NOL9: variants seen among roughly 807,000 people sequenced by gnomAD.
NOL9 encodes the protein polynucleotide 5'-hydroxyl-kinase NOL9.
NOL9 carries 28 observed loss-of-function variants against 67.9 expected under a neutral mutation model. The observed-to-expected ratio is 0.41, with a 90% CI of 0.31 to 0.57. The LOEUF is 0.57. Ranked by LOEUF, NOL9 falls within the 20% of genes least tolerant of loss-of-function variation. The pLI is 0.25. For missense variants in NOL9, 777 were observed against 897.0 expected (o/e 0.87, Z 1.71); for synonymous variants, 356 against 352.2 (o/e 1.01, Z -0.12).
At chr1:6,539,299 G>C (rs983035571) in intron 6 of NOL9, among the ~76,000 whole-genome samples, 4 of 152,128 alleles carry the variant, frequency 2.6e-5, no homozygotes, top group African/African-American at 9.7e-5. Context: ...CCACTCCTCG[G>C]TATACACCTG....
intron 1 of NOL9, among the ~76,000 whole-genome samples, chr1:6,552,276 C>T (rs888627587): frequency 6.6e-6 from 1 of 152,112 alleles, no homozygotes; most frequent in African/African-American, 2.4e-5. Flanking sequence ...CGTATGTACC[C>T]TGGAACTTAA....
chr1:6,538,492 T>G (rs1639204800), intron 6 of NOL9, among the ~76,000 whole-genome samples: 2 of 151,686 alleles, frequency 1.3e-5, no homozygotes, highest in South Asian at 4.2e-4. Flanking sequence ...GCCAACATGG[T>G]GAAACCCCAT....
rs1183119033 is a variant in NOL9, at chr1:6,554,252, C to A, written c.251G>T (p.Ser84Ile). 2 of 1,493,802 alleles carry A rather than the reference C, an allele frequency of 1.3e-6. No individual in the cohort carries two copies. The highest frequency in any genetic ancestry group is 2.9e-5 in the East Asian group (1 of 35,048). 92.5% of individuals were successfully genotyped at this position (1,493,802 alleles called of 1,614,324 possible). Residue 84 changes from serine to isoleucine, a missense_variant, in exon 1 of 12, where the codon AGC (serine) becomes ATC (isoleucine). By Grantham distance (142) the Ser-to-Ile change is moderately radical. Transcript: ENST00000377705. ...AARRPNTATP[S>I]PIPSPTPASE... Reference sequence around the variant, plus strand: ...GGCCGGGGTCGGGCTAGGGATCGGGCTGGGGGTCGCGGTGTTGGGTCTCCG... The same window carrying A: ...GGCCGGGGTCGGGCTAGGGATCGGGATGGGGGTCGCGGTGTTGGGTCTCCG...
chr1:6,554,243 G>A lies in NOL9; in HGVS notation c.260C>T (p.Pro87Leu), dbSNP rs373802591. The change falls in exon 1 of 12, where the codon CCT (proline) becomes CTT (leucine). Residue 87 changes from proline to leucine, a missense_variant. Around this residue, in one of 2 missense-constraint regions of NOL9, gnomAD observed 364 missense variants for 344.4 expected, o/e 1.06. Transcript: ENST00000377705. ...GGGTTCGGAGGCCGGGGTCGGGCTA[G>A]GGATCGGGCTGGGGGTCGCGGTGTT... ...RPNTATPSPI[P>L]SPTPASEPES... The A allele has an allele frequency of 1.1e-4, 171 of 1,506,042 alleles. No individual in the cohort carries two copies. The African/African-American group carries it at 2.4e-3, about 21-fold the overall frequency. 93.3% of individuals were successfully genotyped at this position (1,506,042 alleles called of 1,614,324 possible). A position where few individuals can be genotyped will look rare whatever the true frequency, so the allele number is the denominator to read the frequency against.
At chr1:6,544,153 C>T (rs538462479) in intron 5 of NOL9, among the ~76,000 whole-genome samples, 1 of 151,586 alleles carries the variant, frequency 6.6e-6, no homozygotes, top group African/African-American at 2.4e-5. Context: ...TGTGGTGGTG[C>T]GCTAGTGTGG....
intron 4 of NOL9, 41 bp downstream of exon 4, chr1:6,545,004 T>G (rs1250681022): frequency 1.2e-6 from 2 of 1,613,936 alleles, no homozygotes; most frequent in African/African-American, 2.7e-5. Flanking sequence ...TCTGGGGGTC[T>G]GGTGGACAGA....
In NOL9 at chr1:6,554,344, C is replaced by A; in HGVS notation, c.159G>T (p.Leu53=). 1 of 1,460,810 alleles carries A rather than the reference C, an allele frequency of 6.8e-7. No individual in the cohort carries two copies. The highest frequency in any genetic ancestry group is 9.0e-7 in the Non-Finnish European group (1 of 1,113,700). The allele number at this position is 1,460,810 out of a possible 1,614,324, so 90.5% of individuals were successfully genotyped here. A position where few individuals can be genotyped will look rare whatever the true frequency, so the allele number is the denominator to read the frequency against. Residue 53 remains leucine, a synonymous_variant, in exon 1 of 12, where the codon CTG becomes CTT. Transcript: ENST00000377705. ...CGRRRLRWRL[L]QAQASGVDWR... ...AGTCCACGCCGGACGCCTGGGCTTGCAGTAACCGCCACCGTAGGCGCCGCC... is the reference window on the plus strand; with the variant it reads ...AGTCCACGCCGGACGCCTGGGCTTGAAGTAACCGCCACCGTAGGCGCCGCC...
intron 10 of NOL9, among the ~76,000 whole-genome samples, chr1:6,528,549 A>G (rs1276348069): frequency 2.0e-5 from 3 of 152,198 alleles, no homozygotes; most frequent in African/African-American, 7.2e-5. Flanking sequence ...AGCCTGGGGC[A>G]AGGAGGAGAG....
At chr1:6,540,601 A>G (rs975222119) in intron 6 of NOL9, among the ~76,000 whole-genome samples, 1 of 152,118 alleles carries the variant, frequency 6.6e-6, no homozygotes, top group African/African-American at 2.4e-5. Context: ...AGAGGTGAGT[A>G]GATGACCTGA....
Position 6,544,847 on chromosome 1 carries a change from A to C in NOL9, c.956T>G (p.Leu319Arg). 6.2e-7 allele frequency: 1 copy of C among 1,614,204 alleles called. No homozygotes were observed. Among genetic ancestry groups the C allele is most frequent in the South Asian group, 1.1e-5 (1 of 91,082 alleles). Reference sequence around the variant, plus strand: ...TTACCTATTTAACAAATGGTTAATCAGGTATCTATTAAATGTTGACTTTCC... The same window carrying C: ...TTACCTATTTAACAAATGGTTAATCCGGTATCTATTAAATGTTGACTTTCC... ...DVGKSTFNRY[L>R]INHLLNSLPC... is the part of the protein sequence containing the mutation. Residue 319 changes from leucine (L) to arginine (R), a missense_variant, in exon 5 of 12, where the codon CTG (leucine) becomes CGG (arginine). Physicochemically the swap from Leu to Arg is moderately radical, Grantham distance 102 (BLOSUM62 -2). Around this residue, in one of 2 missense-constraint regions of NOL9, gnomAD observed 413 missense variants for 552.6 expected, o/e 0.75. Transcript: ENST00000377705.
intron 7 of NOL9, 63 bp downstream of exon 7, chr1:6,533,217 T>A (rs1639073828): frequency 6.8e-7 from 1 of 1,471,088 alleles, no homozygotes; most frequent in Non-Finnish European, 9.1e-7. Context: ...AACGTGAATG[T>A]CTGAAACCAA....
chr1:6,525,285 G>A lies in NOL9; in HGVS notation c.*569C>T, dbSNP rs1458244504. ...AAGTGCTAGGATTACAGGTGTGCAT[G>A]AGCCACCATGCCCAGCCCTATCTAT... On this transcript the variant is annotated 3_prime_UTR_variant, in exon 12 of 12. Coordinates refer to ENST00000377705, the MANE Select transcript of NOL9 (RefSeq NM_024654.5). 2.6e-5 allele frequency: 4 copies of A among 154,706 alleles called. No individual in the cohort carries two copies. Among genetic ancestry groups the A allele is most frequent in the Non-Finnish European group, 5.7e-5 (4 of 69,736 alleles). 9.6% of individuals were successfully genotyped at this position (154,706 alleles called of 1,614,324 possible). A position where few individuals can be genotyped will look rare whatever the true frequency, so the allele number is the denominator to read the frequency against.
chr1:6,532,777 T>G lies in NOL9; in HGVS notation c.1238-17A>C. 1 of 1,601,376 alleles carries G rather than the reference T, an allele frequency of 6.2e-7. No individual in the cohort carries two copies. The highest frequency in any genetic ancestry group is 1.1e-5 in the South Asian group (1 of 89,842). ...GCCCCTGGTCTGTGGGGAAGAGACA[T>G]TAGCACAGCTGATACACTCAAGAAC... is the stretch of plus-strand genomic sequence containing the variant. On this transcript the variant is annotated splice_polypyrimidine_tract_variant and intron_variant, in intron 7 of 11. Coordinates refer to ENST00000377705, the MANE Select transcript of NOL9 (RefSeq NM_024654.5).
intron 5 of NOL9, among the ~76,000 whole-genome samples, chr1:6,542,163 AT>A (rs5772238): frequency 0.95 from 132,768 of 140,308 alleles, 63,081 homozygotes; most frequent in South Asian, 0.99. Flanking sequence ...GCTCTTTCAG[AT>A]TTTTTTTTTT....
intron 9 of NOL9, 93 bp downstream of exon 9, chr1:6,531,875 A>G: frequency 2.3e-6 from 2 of 866,704 alleles, no homozygotes; most frequent in Non-Finnish European, 1.9e-6. Flanking sequence ...ATGAGCGAGG[A>G]GTTATGTAGT....
Position 6,554,426 on chromosome 1 carries a change from T to C in NOL9, c.77A>G (p.Gln26Arg), listed in dbSNP as rs769118056. The change falls in exon 1 of 12, where the codon CAG becomes CGG. Residue 26 changes from glutamine to arginine, a missense_variant. Around this residue, in one of 2 missense-constraint regions of NOL9, gnomAD observed 364 missense variants for 344.4 expected, o/e 1.06. Transcript: ENST00000377705. ...GCGGGGCCGGCGGCTGAGGATGAGC[T>C]GGGGCCGGGCCTTGCGGACCCGCAG... ...TWLRVRKARP[Q>R]LILSRRPRRR... 2 of 1,541,490 alleles carry C rather than the reference T, an allele frequency of 1.3e-6. No homozygotes were observed. Among genetic ancestry groups the C allele is most frequent in the Non-Finnish European group, 1.7e-6 (2 of 1,156,632 alleles).
chr1:6,545,656 G>C (rs2148660280), intron 3 of NOL9, among the ~76,000 whole-genome samples: 1 of 152,306 alleles, frequency 6.6e-6, no homozygotes, highest in East Asian at 1.9e-4. Context: ...TGCTGAGGCA[G>C]GTAAGGCTCA....
At chr1:6,531,034 C>T (rs1469568946) in intron 9 of NOL9, among the ~76,000 whole-genome samples, 1 of 152,202 alleles carries the variant, frequency 6.6e-6, no homozygotes, top group Non-Finnish European at 1.5e-5. Context: ...AGGCTTAGAA[C>T]AGAGTACTGC....
At chr1:6,541,983 A>T in intron 5 of NOL9, 56 bp from the exon 6 acceptor site, 1 of 1,122,306 alleles carries the variant, frequency 8.9e-7, no homozygotes, top group Non-Finnish European at 1.3e-6. Context: ...TTTACTCAGT[A>T]GAAAGGATAA....
Sources: allele counts gnomAD v4.1 joint callset (sites outside exome capture counted in the v4.1 genomes callset), GRCh38; gene constraint gnomAD v4.1.1; regional missense constraint gnomAD v4.1.1; transcripts MANE v1.5; gene names NCBI Gene and HGNC (gene_info 2026-07-23, HGNC 2026-07-21).